The following LTBP1 variants were observed in gnomAD, a reference collection of about 807,000 sequenced individuals.
LTBP1 encodes the protein latent-transforming growth factor beta-binding protein 1.
Under a neutral mutation model 207.6 loss-of-function variants are expected in LTBP1, and 129 were observed. The ratio of observed to expected loss-of-function variants is 0.62; its 90% CI spans 0.54 to 0.72. The LOEUF (loss-of-function observed/expected upper bound fraction) is 0.72. Among genes scored for constraint, LTBP1 ranks in the 30% least tolerant of loss-of-function variants. LTBP1 has a pLI of 0.00. For synonymous variants in LTBP1, 963 were observed against 833.7 expected, an observed-to-expected ratio of 1.16 and a Z score of -2.67; for missense variants, 2,281 against 2,217.2, an observed-to-expected ratio of 1.03 and a Z score of -0.58.
intron 2 of LTBP1, among the ~76,000 whole-genome samples, chr2:33,018,825 G>A (rs1402714485): frequency 1.3e-5 from 2 of 152,026 alleles, no homozygotes; most frequent in African/African-American, 4.8e-5. Context: ...CAGAGGCCAG[G>A]GTTAAGTGGC....
intron 7 of LTBP1, among the ~76,000 whole-genome samples, chr2:33,213,096 C>T (rs1026962270): frequency 3.3e-5 from 5 of 152,098 alleles, no homozygotes; most frequent in East Asian, 1.9e-4. Context: ...TCTGCTTGCA[C>T]TGCTTCATCT....
chr2:33,146,598 T>G (rs1204119421), intron 5 of LTBP1, among the ~76,000 whole-genome samples: 1 of 152,166 alleles, frequency 6.6e-6, no homozygotes, highest in Non-Finnish European at 1.5e-5. Flanking sequence ...CTGGGTAGGT[T>G]TCAAAGAAGA....
chr2:32,971,694 C>G (rs750270838), intron 2 of LTBP1, among the ~76,000 whole-genome samples: 43 of 152,122 alleles, frequency 2.8e-4, no homozygotes, highest in Non-Finnish European at 5.6e-4. Flanking sequence ...ATTTAGTTTG[C>G]TAGTATTTTG....
chr2:32,986,039 T>C (rs72791719), intron 2 of LTBP1, among the ~76,000 whole-genome samples: 20,748 of 152,232 alleles, frequency 0.14, 1,944 homozygotes, highest in Non-Finnish European at 0.21. Flanking sequence ...GTTCCTTTTA[T>C]CTCTCCTGTG....
chr2:33,337,265 G>A, intron 24 of LTBP1, among the ~76,000 whole-genome samples: 1 of 152,146 alleles, frequency 6.6e-6, no homozygotes, highest in Admixed American at 6.5e-5. Context: ...TTGAGAAAAT[G>A]TCTTAAGTAA....
intron 3 of LTBP1, 108 bp from the exon 4 acceptor site, chr2:33,110,474 G>C: frequency 1.0e-6 from 1 of 984,446 alleles, no homozygotes; most frequent in Non-Finnish European, 1.5e-6. Flanking sequence ...AGCCTTGCTT[G>C]GAATTGATGC....
intron 2 of LTBP1, among the ~76,000 whole-genome samples, chr2:32,967,317 G>A (rs1219313039): frequency 6.6e-6 from 1 of 151,726 alleles, no homozygotes; most frequent in African/African-American, 2.4e-5. Flanking sequence ...CAGTTTCATC[G>A]ATTTCTGCTC....
chr2:33,215,718 T>TC (rs1417817222), intron 7 of LTBP1, among the ~76,000 whole-genome samples: 2 of 143,960 alleles, frequency 1.4e-5, no homozygotes, highest in East Asian at 4.0e-4. Context: ...TTTCTTTTGT[T>TC]TTTTGTTTTT....
intron 2 of LTBP1, among the ~76,000 whole-genome samples, chr2:32,986,680 C>G (rs1421352530): frequency 6.6e-6 from 1 of 152,164 alleles, no homozygotes; most frequent in African/African-American, 2.4e-5. Context: ...ATTGCAGTCT[C>G]ATGAAGCTGG....
At chr2:33,017,773 C>T (rs1005542406) in intron 2 of LTBP1, among the ~76,000 whole-genome samples, 9 of 152,154 alleles carry the variant, frequency 5.9e-5, no homozygotes, top group Non-Finnish European at 1.2e-4. Context: ...CCCACCAGTA[C>T]GCCTGGCTAA....
chr2:33,350,312 A>C (rs1381371104), intron 26 of LTBP1, among the ~76,000 whole-genome samples: 2 of 152,250 alleles, frequency 1.3e-5, no homozygotes, highest in Non-Finnish European at 2.9e-5. Context: ...ATGTGGTATC[A>C]TACTGAAGGC....
At chr2:33,056,469 T>G in intron 3 of LTBP1, 1 of 881,510 alleles carries the variant, frequency 1.1e-6, no homozygotes, top group South Asian at 2.1e-5. Flanking sequence ...AATTGCCAGC[T>G]GGAGGTGATG....
chr2:33,209,113 C>G (rs1006038956), intron 7 of LTBP1, among the ~76,000 whole-genome samples: 1 of 151,856 alleles, frequency 6.6e-6, no homozygotes, highest in Non-Finnish European at 1.5e-5. Context: ...CCTCAAGTGA[C>G]CCGCCTGCCT....
chr2:33,261,840 G>A (rs1422560906), intron 13 of LTBP1, among the ~76,000 whole-genome samples: 1 of 152,190 alleles, frequency 6.6e-6, no homozygotes, highest in African/African-American at 2.4e-5. Context: ...GAAAATAGGT[G>A]ATACTTGAAG....
intron 3 of LTBP1, among the ~76,000 whole-genome samples, chr2:33,090,315 A>C (rs1271257777): frequency 6.6e-6 from 1 of 152,178 alleles, no homozygotes; most frequent in Non-Finnish European, 1.5e-5. Flanking sequence ...GCACATCAGT[A>C]ACTCACTTGG....
intron 9 of LTBP1, among the ~76,000 whole-genome samples, chr2:33,232,512 T>G (rs553966378): frequency 6.6e-6 from 1 of 152,190 alleles, no homozygotes; most frequent in African/African-American, 2.4e-5. Flanking sequence ...TTCCCTCATA[T>G]AGCTAATAGT....
chr2:33,115,452 A>G (rs1460269806), intron 4 of LTBP1, among the ~76,000 whole-genome samples: 1 of 152,176 alleles, frequency 6.6e-6, no homozygotes, highest in East Asian at 1.9e-4. Context: ...TGAAAACACT[A>G]AAAATAAAAA....
chr2:33,150,312 G>A (rs2083408237), intron 5 of LTBP1, among the ~76,000 whole-genome samples: 1 of 151,968 alleles, frequency 6.6e-6, no homozygotes, highest in Admixed American at 6.6e-5. Context: ...GGTGTGTAGG[G>A]GGGTTATATT....
At chr2:33,331,090 G>T (rs2094488636) in intron 24 of LTBP1, among the ~76,000 whole-genome samples, 2 of 151,638 alleles carry the variant, frequency 1.3e-5, no homozygotes, top group Admixed American at 6.6e-5. Context: ...TATATATGTA[G>T]TGATCTTTTT....
Sources: allele counts gnomAD v4.1 joint callset (sites outside exome capture counted in the v4.1 genomes callset), GRCh38; gene constraint gnomAD v4.1.1; transcripts MANE v1.5; gene names NCBI Gene and HGNC (gene_info 2026-07-23, HGNC 2026-07-21).